Variants in NELFCD observed in about 807,000 individuals in gnomAD.
The protein encoded by NELFCD is negative elongation factor complex member C/D, also known as negative elongation factor C/D.
Under a neutral mutation model 72.9 loss-of-function variants are expected in NELFCD, and 48 were observed. The ratio of observed to expected loss-of-function variants is 0.66; its 90% CI spans 0.52 to 0.84. The LOEUF (loss-of-function observed/expected upper bound fraction) is 0.84, where lower values mean the gene tolerates loss of function less well. Ranked by LOEUF, NELFCD falls within the 40% of genes least tolerant of loss-of-function variation. NELFCD has a pLI of 0.00. For synonymous variants in NELFCD, 297 were observed against 280.6 expected, an observed-to-expected ratio of 1.06 and a Z score of -0.59; for missense variants, 538 against 723.8, an observed-to-expected ratio of 0.74 and a Z score of 2.94.
chr20:58,994,585 GAAAA>G (rs1330576980), intron 14 of NELFCD, 53 bp from the exon 15 acceptor site: 4 of 1,068,840 alleles, frequency 3.7e-6, no homozygotes, highest in Non-Finnish European at 5.5e-6. Context: ...AAAAAAGAAA[GAAAA>G]TGTCATGTTC....
intron 4 of NELFCD, 109 bp from the exon 5 acceptor site, chr20:58,988,805 A>G (rs2091791179): frequency 1.3e-6 from 1 of 766,938 alleles, no homozygotes. Context: ...CTAGATGCCC[A>G]TGGGGAGTCC....
At chr20:58,988,321 A>G (rs527544820) in intron 4 of NELFCD, among the ~76,000 whole-genome samples, 1 of 152,328 alleles carries the variant, frequency 6.6e-6, no homozygotes, top group African/African-American at 2.4e-5. Context: ...CGTTCCAGCC[A>G]TATCAGTGGG....
chr20:58,987,004 A>T, intron 3 of NELFCD, 141 bp downstream of exon 3: 1 of 564,280 alleles, frequency 1.8e-6, no homozygotes, highest in Non-Finnish European at 3.1e-6. Flanking sequence ...TGAACTTCTT[A>T]CTCATTTTTA....
rs761052270 is a variant in NELFCD, at chr20:58,986,127, C to A, written c.95C>A (p.Ala32Glu). The change falls in exon 2 of 15, where the codon GCG (alanine) becomes GAG (glutamate). Residue 32 changes from alanine to glutamate, a missense_variant. Physicochemically the swap from Ala to Glu is moderately radical, Grantham distance 107. Transcript: ENST00000652272. This position sits in a 1 kb window ranked among gnomAD's most constrained non-coding sequence, Gnocchi z 4.4. ...EDDSGEGEDD[A>E]EVQQECLHKF... ...GATTCTGGAGAAGGAGAGGATGATG[C>A]GGAGGTTCAGCAAGAATGCCTGCAT... is the stretch of plus-strand genomic sequence containing the variant. The A allele has an allele frequency of 6.2e-7, 1 of 1,613,830 alleles. No homozygotes were observed. The highest frequency in any genetic ancestry group is 8.5e-7 in the Non-Finnish European group (1 of 1,179,754).
intron 14 of NELFCD, 151 bp from the exon 15 acceptor site, chr20:58,994,491 G>A: frequency 1.4e-6 from 1 of 721,602 alleles, no homozygotes; most frequent in South Asian, 1.8e-5. Context: ...TAACCTGGGA[G>A]GCAGAGGTTG....
At chr20:58,981,570 C>A (rs1401852324) in intron 1 of NELFCD, among the ~76,000 whole-genome samples, 2 of 126,024 alleles carry the variant, frequency 1.6e-5, no homozygotes, top group Non-Finnish European at 3.7e-5. Context: ...GGCGCGGCCG[C>A]CGGGGTCCCC....
At chr20:58,984,881 G>A (rs1389839421) in intron 1 of NELFCD, among the ~76,000 whole-genome samples, 1 of 152,198 alleles carries the variant, frequency 6.6e-6, no homozygotes, top group Non-Finnish European at 1.5e-5. Flanking sequence ...AATGAAGCTC[G>A]GGGTGAAGTC....
At chr20:58,988,482 T>C (rs1426125353) in intron 4 of NELFCD, among the ~76,000 whole-genome samples, 1 of 152,220 alleles carries the variant, frequency 6.6e-6, no homozygotes, top group Non-Finnish European at 1.5e-5. Flanking sequence ...AGCACAGTCC[T>C]TGAGGACATC....
At chr20:58,984,985 C>T (rs1373677754) in intron 1 of NELFCD, among the ~76,000 whole-genome samples, 2 of 152,242 alleles carry the variant, frequency 1.3e-5, no homozygotes, top group Non-Finnish European at 2.9e-5. Context: ...TCATCGGGTT[C>T]TGTCTGCTCC....
Position 58,988,959 on chromosome 20 carries a change from G to A in NELFCD, c.442G>A (p.Asp148Asn), listed in dbSNP as rs1487753948. Residue 148 changes from aspartate to asparagine, a missense_variant, in exon 5 of 15, where the codon GAC (aspartate) becomes AAC (asparagine). By Grantham distance (23) the Asp-to-Asn change is conservative (BLOSUM62 1). Coordinates refer to ENST00000652272, the MANE Select transcript of NELFCD (RefSeq NM_198976.4). ...GATGATTGCACATACCACGTGGCGG[G>A]ACCTTTTTTATAAACTGGCTGAAGC... Reference protein sequence around the residue: ...EQMIAHTTWRDLFYKLAEAHP... With the variant: ...EQMIAHTTWRNLFYKLAEAHP... 6.2e-7 allele frequency: 1 copy of A among 1,614,192 alleles called. No homozygotes were observed. Among genetic ancestry groups the A allele is most frequent in the African/African-American group, 1.3e-5 (1 of 75,060 alleles).
intron 5 of NELFCD, 47 bp downstream of exon 5, chr20:58,989,068 A>G (rs1404115361): frequency 4.3e-6 from 6 of 1,408,334 alleles, no homozygotes; most frequent in African/African-American, 4.2e-5. Context: ...ATGAATGTTT[A>G]TTTTTGGTTG....
intron 7 of NELFCD, 135 bp downstream of exon 7, chr20:58,990,123 G>T (rs575681538): frequency 1.8e-5 from 22 of 1,234,240 alleles, no homozygotes; most frequent in Non-Finnish European, 2.3e-5. Context: ...TTGGCTGGGC[G>T]TGGTGGCTCA....
At chr20:58,987,994 G>A (rs1172959605) in intron 4 of NELFCD, 177 bp downstream of exon 4, 4 of 598,028 alleles carry the variant, frequency 6.7e-6, no homozygotes, top group Non-Finnish European at 8.9e-6. Flanking sequence ...ACCCAGGGTC[G>A]TGACATGCTT....
intron 5 of NELFCD, chr20:58,989,246 G>A (rs887571420): frequency 3.4e-5 from 21 of 622,142 alleles, no homozygotes; most frequent in African/African-American, 2.0e-4. Context: ...GAATTCTCTT[G>A]TGGTTGGAGA....
chr20:58,988,803 C>T, intron 4 of NELFCD, 111 bp from the exon 5 acceptor site: 1 of 749,904 alleles, frequency 1.3e-6, no homozygotes, highest in South Asian at 1.6e-5. Flanking sequence ...AACTAGATGC[C>T]CATGGGGAGT....
intron 1 of NELFCD, among the ~76,000 whole-genome samples, chr20:58,984,226 A>C (rs1403581444): frequency 6.6e-6 from 1 of 152,166 alleles, no homozygotes; most frequent in Admixed American, 6.5e-5. Context: ...GTGAGAGGTC[A>C]GAACGGACAG....
intron 4 of NELFCD, 60 bp downstream of exon 4, chr20:58,987,877 T>C (rs1601213457): frequency 1.6e-6 from 2 of 1,273,352 alleles, no homozygotes; most frequent in Non-Finnish European, 1.1e-6. Context: ...AAATTCCCTG[T>C]GTACAGTGGA....
rs2091837444 is a variant in NELFCD at position 58,993,946 on chromosome 20, A to C, written c.1582-164A>C. The stretch of plus-strand genomic sequence containing the variant: ...CTGCAGCAGCTGTATGACACACTTT[A>C]CCTCCATTACCACCCTGGGCATCTG... On this transcript the variant is annotated intron_variant, in intron 13 of 14. Transcript: ENST00000652272. The surrounding 1 kb of genome is among the most constrained non-coding windows in gnomAD (Gnocchi z 5.0). The C allele has an allele frequency of 5.7e-6, 6 of 1,059,940 alleles. No homozygotes were observed. Among genetic ancestry groups the C allele is most frequent in the Middle Eastern group, 2.7e-4 (1 of 3,702 alleles). The allele number at this position is 1,059,940 out of a possible 1,614,324, so 65.7% of individuals were successfully genotyped here. A position where few individuals can be genotyped will look rare whatever the true frequency, so the allele number is the denominator to read the frequency against.
chr20:58,982,551 A>G (rs2091743033), intron 1 of NELFCD, among the ~76,000 whole-genome samples: 2 of 152,218 alleles, frequency 1.3e-5, no homozygotes, highest in African/African-American at 4.8e-5. Flanking sequence ...AGTGGGGCTT[A>G]CGTTGATAAA....
Sources: gnomAD v4.1 joint callset for allele counts (sites outside exome capture counted in the v4.1 genomes callset) on GRCh38, gnomAD v4.1.1 for gene constraint, Gnocchi (gnomAD v3.1) non-coding constraint, MANE v1.5 for transcripts, NCBI Gene and HGNC (gene_info 2026-07-23, HGNC 2026-07-21) for gene names.